Variants in ACTL8 observed in about 807,000 individuals in gnomAD.
ACTL8 encodes actin-like protein 8.
Under a neutral mutation model 9.3 loss-of-function variants are expected in ACTL8, and 3 were observed. The ratio of observed to expected loss-of-function variants is 0.32; its 90% confidence interval spans 0.15 to 0.83. The LOEUF (loss-of-function observed/expected upper bound fraction) is 0.83, where lower values mean the gene tolerates loss of function less well. Ranked by LOEUF, ACTL8 falls within the 40% of genes least tolerant of loss-of-function variation. The pLI, the probability that ACTL8 is intolerant of heterozygous loss-of-function variation, is 0.57. For synonymous variants in ACTL8, 224 were observed against 205.9 expected (o/e 1.09, Z -0.75); for missense variants, 381 against 492.2 (o/e 0.77, Z 2.14).
At chr1:17,760,263 T>G (rs1489031085) in intron 1 of ACTL8, among the ~76,000 whole-genome samples, 2 of 152,200 alleles carry the variant, frequency 1.3e-5, no homozygotes, top group Non-Finnish European at 2.9e-5. Flanking sequence ...TAAGTAACAC[T>G]GATGGATTCG....
rs890380338 is a variant in ACTL8 at position 17,826,525 on chromosome 1, C to T, written c.*6C>T. The T allele has an allele frequency of 1.9e-6, 3 of 1,539,352 alleles. No homozygotes were observed. Among genetic ancestry groups the T allele is most frequent in the African/African-American group, 2.7e-5 (2 of 72,870 alleles). On this transcript the variant is annotated 3_prime_UTR_variant, in exon 3 of 3. Coordinates refer to ENST00000375406, the MANE Select transcript of ACTL8 (RefSeq NM_030812.3). This position sits in a 1 kb window ranked among gnomAD's most constrained non-coding sequence, Gnocchi z 4.5. ...GTGAGCATATGAGGATGTGACCCTA[C>T]TGGCTCACTCCTGAGAATGGGCTCC... is the stretch of plus-strand genomic sequence containing the variant.
intron 1 of ACTL8, among the ~76,000 whole-genome samples, chr1:17,809,635 C>T (rs1008104763): frequency 6.6e-6 from 1 of 151,968 alleles, no homozygotes; most frequent in Non-Finnish European, 1.5e-5. Flanking sequence ...GGAACATGAA[C>T]CCTGTTGTGA....
At position 17,823,253 on chromosome 1, in the gene ACTL8, G is replaced by C; in HGVS notation, c.245G>C (p.Trp82Ser). ...ILNWEGVQYL[W>S]SFVLENHRRE... ...AACTGGGAGGGTGTGCAGTACCTCT[G>C]GTCATTTGTGTTGGAGAACCACAGA... The change falls in exon 2 of 3, where the codon TGG (tryptophan) becomes TCG (serine). Residue 82 changes from tryptophan (W) to serine (S), a missense_variant. Coordinates refer to ENST00000375406, the MANE Select transcript of ACTL8 (RefSeq NM_030812.3). This position sits in a 1 kb window ranked among gnomAD's most constrained non-coding sequence, Gnocchi z 5.3. 6.2e-7 allele frequency: 1 copy of C among 1,614,088 alleles called. No individual in the cohort carries two copies. Among genetic ancestry groups the C allele is most frequent in the Admixed American group, 1.7e-5 (1 of 60,024 alleles).
At chr1:17,800,394 G>T (rs1345161266) in intron 1 of ACTL8, among the ~76,000 whole-genome samples, 1 of 152,050 alleles carries the variant, frequency 6.6e-6, no homozygotes, top group African/African-American at 2.4e-5. Context: ...TGGTCACTTT[G>T]AACGTGTTCA....
At chr1:17,809,466 A>G (rs1159220095) in intron 1 of ACTL8, among the ~76,000 whole-genome samples, 5 of 152,138 alleles carry the variant, frequency 3.3e-5, no homozygotes, top group Non-Finnish European at 7.4e-5. Context: ...ACAGAGAGAA[A>G]GGAAAGGCCG....
chr1:17,771,303 T>G (rs2066081739), intron 1 of ACTL8, among the ~76,000 whole-genome samples: 1 of 152,218 alleles, frequency 6.6e-6, no homozygotes, highest in Non-Finnish European at 1.5e-5. Context: ...TCTGATTTTT[T>G]TTTTCAACAT....
At position 17,823,105 on chromosome 1, in the gene ACTL8, G is replaced by C; in HGVS notation, c.97G>C (p.Val33Leu). ...NEPQMVFPNI[V>L]NYLPCKENPG... Reference sequence around the variant, plus strand: ...GCCTCAGATGGTCTTCCCGAACATCGTGAACTACCTACCGTGCAAGGAGAA... The same window carrying C: ...GCCTCAGATGGTCTTCCCGAACATCCTGAACTACCTACCGTGCAAGGAGAA... The change falls in exon 2 of 3, where the codon GTG becomes CTG. Residue 33 changes from valine to leucine, a missense_variant. Physicochemically the swap from Val to Leu is conservative, Grantham distance 32. Coordinates refer to ENST00000375406, the MANE Select transcript of ACTL8 (RefSeq NM_030812.3). This position sits in a 1 kb window ranked among gnomAD's most constrained non-coding sequence, Gnocchi z 5.3. 1 of 1,614,214 alleles carries C rather than the reference G, an allele frequency of 6.2e-7. No individual in the cohort carries two copies. The highest frequency in any genetic ancestry group is 2.2e-5 in the East Asian group (1 of 44,884).
chr1:17,756,770 G>C (rs1357861611), intron 1 of ACTL8, among the ~76,000 whole-genome samples: 2 of 152,176 alleles, frequency 1.3e-5, no homozygotes, highest in Non-Finnish European at 2.9e-5. Flanking sequence ...AGTTACCCAA[G>C]GCATGTGGTG....
chr1:17,808,011 TAGC>T (rs2066369915), intron 1 of ACTL8, among the ~76,000 whole-genome samples: 1 of 152,206 alleles, frequency 6.6e-6, no homozygotes, highest in African/African-American at 2.4e-5. Flanking sequence ...TATGCCATGT[TAGC>T]AGCAGTAGCA....
intron 1 of ACTL8, among the ~76,000 whole-genome samples, chr1:17,770,083 A>C (rs1202232535): frequency 6.6e-6 from 1 of 152,194 alleles, no homozygotes; most frequent in Non-Finnish European, 1.5e-5. Context: ...GTGGTTTATA[A>C]TTGGCATCTG....
intron 1 of ACTL8, among the ~76,000 whole-genome samples, chr1:17,803,575 T>C (rs925916625): frequency 6.6e-6 from 1 of 152,204 alleles, no homozygotes; most frequent in Admixed American, 6.5e-5. Flanking sequence ...AGGTGATCCA[T>C]GTGCCTCGGC....
At chr1:17,811,277 T>C (rs531368458) in intron 1 of ACTL8, among the ~76,000 whole-genome samples, 1 of 152,386 alleles carries the variant, frequency 6.6e-6, no homozygotes, top group African/African-American at 2.4e-5. Context: ...GGCCCATCTT[T>C]GGAAGTGAGT....
chr1:17,795,463 A>G (rs951800357), intron 1 of ACTL8, among the ~76,000 whole-genome samples: 3 of 152,244 alleles, frequency 2.0e-5, no homozygotes, highest in African/African-American at 7.2e-5. Context: ...AAAATATAAC[A>G]GGTGTTCTGC....
At chr1:17,813,912 A>C (rs2066408676) in intron 1 of ACTL8, among the ~76,000 whole-genome samples, 1 of 152,164 alleles carries the variant, frequency 6.6e-6, no homozygotes, top group Non-Finnish European at 1.5e-5. Context: ...AGTTATTCCT[A>C]ATATTCTCTT....
chr1:17,800,777 T>C (rs2066316284), intron 1 of ACTL8, among the ~76,000 whole-genome samples: 1 of 151,776 alleles, frequency 6.6e-6, no homozygotes, highest in Admixed American at 6.6e-5. Flanking sequence ...GTATTTTTAG[T>C]AGAGTCTGGG....
intron 1 of ACTL8, among the ~76,000 whole-genome samples, chr1:17,761,435 G>C (rs2066002372): frequency 6.6e-6 from 1 of 152,154 alleles, no homozygotes; most frequent in East Asian, 1.9e-4. Context: ...CCCTGGGCCA[G>C]GCTCTTGTTG....
chr1:17,815,782 C>T (rs1261878707), intron 1 of ACTL8, among the ~76,000 whole-genome samples: 2 of 152,142 alleles, frequency 1.3e-5, no homozygotes, highest in Admixed American at 6.5e-5. Flanking sequence ...CACTTTGAAA[C>T]TTCAATGACA....
Position 17,799,602 on chromosome 1 carries a change from CTT to C in ACTL8, c.-24-23376_-24-23375del, listed in dbSNP as rs1173512675. ...AATCTATTTCTTTGTTGCTTCCTCTCTTTTTTTTCTCTGGCCTTAGAAATTGT... is the reference window on the plus strand; with the variant it reads ...AATCTATTTCTTTGTTGCTTCCTCTCTTTTTTCTCTGGCCTTAGAAATTGT... On this transcript the variant is annotated intron_variant, in intron 1 of 2. Coordinates refer to ENST00000375406, the MANE Select transcript of ACTL8 (RefSeq NM_030812.3). Among the ~76,000 whole-genome samples, 5 of 149,836 alleles carry C rather than the reference CTT, an allele frequency of 3.3e-5. No individual in the cohort carries two copies. The East Asian group carries it at 9.6e-4, about 29-fold the overall frequency.
chr1:17,790,073 GCAGGCAGCTC>G (rs1248785188), intron 1 of ACTL8, among the ~76,000 whole-genome samples: 6 of 152,230 alleles, frequency 3.9e-5, no homozygotes, highest in African/African-American at 1.2e-4. Context: ...CTGCAGTGGG[GCAGGCAGCTC>G]TGGGTGCCAG....
Sources: gnomAD v4.1 joint callset for allele counts (sites outside exome capture counted in the v4.1 genomes callset) on GRCh38, gnomAD v4.1.1 for gene constraint, Gnocchi (gnomAD v3.1) non-coding constraint, MANE v1.5 for transcripts, NCBI Gene and HGNC (gene_info 2026-07-23, HGNC 2026-07-21) for gene names.